The following KSR2 variants were observed in gnomAD, a reference collection of about 807,000 sequenced individuals.
The protein encoded by KSR2 is kinase suppressor of ras 2.
In KSR2, 25 loss-of-function variants were observed where a neutral mutation model predicts 107.8. That is an observed-to-expected ratio of 0.23 (90% CI 0.17 to 0.32). The LOEUF is 0.32. KSR2 is among the 10% of genes least tolerant of loss of function. The probability of loss-of-function intolerance (pLI) is 1.00; values close to 1 mark genes in which losing one functional copy is unlikely to be tolerated. For missense variants in KSR2, 887 were observed against 1,268.9 expected (o/e 0.70, Z 4.57); for synonymous variants, 480 against 507.0 (o/e 0.95, Z 0.71).
At chr12:117,845,677 T>G (rs1892674280) in intron 3 of KSR2, among the ~76,000 whole-genome samples, 1 of 150,028 alleles carries the variant, frequency 6.7e-6, no homozygotes, top group Non-Finnish European at 1.5e-5. Context: ...AGACTCTTTT[T>G]CTTTCTTTTT....
At chr12:117,660,919 G>A (rs1240835108) in intron 5 of KSR2, among the ~76,000 whole-genome samples, 1 of 152,198 alleles carries the variant, frequency 6.6e-6, no homozygotes, top group African/African-American at 2.4e-5. Flanking sequence ...CACCAGGAAG[G>A]CTGAGGGCTG....
chr12:117,684,915 G>A (rs1221668655), intron 4 of KSR2, among the ~76,000 whole-genome samples: 2 of 152,194 alleles, frequency 1.3e-5, no homozygotes, highest in African/African-American at 4.8e-5. Context: ...TTGATCGCAT[G>A]TGTTCCCATT....
At chr12:117,513,250 G>A (rs1343429054) in intron 14 of KSR2, among the ~76,000 whole-genome samples, 1 of 152,144 alleles carries the variant, frequency 6.6e-6, no homozygotes, top group Non-Finnish European at 1.5e-5. Context: ...ATTGATTGAG[G>A]AAAGCAGTAT....
At chr12:117,663,467 A>G (rs971233174) in intron 5 of KSR2, among the ~76,000 whole-genome samples, 8 of 152,224 alleles carry the variant, frequency 5.3e-5, no homozygotes, top group African/African-American at 1.7e-4. Context: ...TATTATTAAC[A>G]TGGTTTTCAT....
At chr12:117,612,936 T>G (rs1379178982) in intron 5 of KSR2, among the ~76,000 whole-genome samples, 1 of 152,230 alleles carries the variant, frequency 6.6e-6, no homozygotes, top group African/African-American at 2.4e-5. Flanking sequence ...TGTACCTTGC[T>G]TCCCCTTTTC....
At chr12:117,691,912 T>C (rs1885829834) in intron 4 of KSR2, among the ~76,000 whole-genome samples, 1 of 152,104 alleles carries the variant, frequency 6.6e-6, no homozygotes, top group African/African-American at 2.4e-5. Context: ...GATTCCCCAT[T>C]TTACAGATGA....
intron 1 of KSR2, among the ~76,000 whole-genome samples, chr12:117,927,769 A>G (rs1426882798): frequency 1.3e-5 from 2 of 152,196 alleles, no homozygotes; most frequent in East Asian, 3.8e-4. Context: ...AAAGTCATCA[A>G]TGTGTACTCG....
intron 1 of KSR2, among the ~76,000 whole-genome samples, chr12:117,884,840 C>T (rs956559527): frequency 6.6e-6 from 1 of 152,178 alleles, no homozygotes; most frequent in Admixed American, 6.5e-5. Flanking sequence ...ATCTCTGTTT[C>T]CTTCTTCTCT....
At chr12:117,499,732 G>A (rs750404488) in intron 14 of KSR2, among the ~76,000 whole-genome samples, 11 of 152,284 alleles carry the variant, frequency 7.2e-5, no homozygotes, top group Middle Eastern at 3.4e-3. Flanking sequence ...GGAAAGTTTG[G>A]TCCCTAATGA....
chr12:117,609,132 G>T lies in KSR2; in HGVS notation c.1172-26773C>A, dbSNP rs188517498. Among the ~76,000 whole-genome samples, 8 of 152,280 alleles carry T rather than the reference G, an allele frequency of 5.3e-5. No homozygotes were observed. In the East Asian group the frequency reaches 1.5e-3, roughly 29 times the overall value. ...CAATTTTGGAACCAGGTGGCCTATA[G>T]ATTTTATACCCTGGCTCCAGAATGG... On this transcript the variant is annotated intron_variant, in intron 5 of 19. Transcript: ENST00000339824.
rs149712031 is a variant in KSR2, at chr12:117,869,391, A to G, written c.181-8960T>C. ...CATCTCAAAAAAAAGAAAGAAACAAAGTTTGAGCATTTCAGATAAGGCCAG... is the reference window on the plus strand; with the variant it reads ...CATCTCAAAAAAAAGAAAGAAACAAGGTTTGAGCATTTCAGATAAGGCCAG... On this transcript the variant is annotated intron_variant, in intron 1 of 19. Coordinates refer to ENST00000339824, the MANE Select transcript of KSR2 (RefSeq NM_173598.6). Among the ~76,000 whole-genome samples the G allele has an allele frequency of 4.8e-3, 723 of 152,196 alleles. 4 individuals carry two copies. Among genetic ancestry groups the G allele is most frequent in the African/African-American group, 0.016 (683 of 41,542 alleles).
intron 10 of KSR2, 77 bp from the exon 11 acceptor site, chr12:117,531,784 G>T: frequency 9.6e-7 from 1 of 1,045,936 alleles, no homozygotes; most frequent in Non-Finnish European, 1.4e-6. Flanking sequence ...AGCTCTTACA[G>T]CCACCACATG....
At chr12:117,616,859 C>A (rs1227991690) in intron 5 of KSR2, among the ~76,000 whole-genome samples, 2 of 152,196 alleles carry the variant, frequency 1.3e-5, no homozygotes, top group East Asian at 3.9e-4. Flanking sequence ...AGCCAGGCTC[C>A]ATGATTCATC....
At chr12:117,737,759 G>A (rs1961094) in intron 4 of KSR2, among the ~76,000 whole-genome samples, 36,375 of 140,796 alleles carry the variant, frequency 0.26, 4,958 homozygotes, top group Middle Eastern at 0.31. Flanking sequence ...CTCCAGCCTG[G>A]GTGAGAGAGC....
At chr12:117,629,142 A>T (rs2078920962) in intron 5 of KSR2, among the ~76,000 whole-genome samples, 1 of 152,042 alleles carries the variant, frequency 6.6e-6, no homozygotes, top group Non-Finnish European at 1.5e-5. Context: ...AAATCCCCCA[A>T]CCCCATGCGC....
At chr12:117,471,356 G>A in intron 17 of KSR2, 36 bp from the exon 18 acceptor site, 1 of 1,601,384 alleles carries the variant, frequency 6.2e-7, no homozygotes, top group South Asian at 1.1e-5. Context: ...TGTTGGTGTG[G>A]TGTGTCACTT....
chr12:117,846,194 C>T (rs987621886), intron 3 of KSR2, among the ~76,000 whole-genome samples: 1 of 152,124 alleles, frequency 6.6e-6, no homozygotes, highest in African/African-American at 2.4e-5. Flanking sequence ...CTGGCTGAAC[C>T]CTGACTGACC....
chr12:117,502,642 C>T (rs573366091), intron 14 of KSR2, among the ~76,000 whole-genome samples: 3 of 151,988 alleles, frequency 2.0e-5, no homozygotes, highest in Non-Finnish European at 4.4e-5. Flanking sequence ...ACTGTGTATG[C>T]TTTAAGTGAC....
intron 3 of KSR2, among the ~76,000 whole-genome samples, chr12:117,851,868 G>A (rs1016389369): frequency 6.6e-6 from 1 of 151,658 alleles, no homozygotes; most frequent in Non-Finnish European, 1.5e-5. Flanking sequence ...TGCAGCCTGG[G>A]CGACAGAGAG....
Sources: gnomAD v4.1 joint callset for allele counts (sites outside exome capture counted in the v4.1 genomes callset) on GRCh38, gnomAD v4.1.1 for gene constraint, MANE v1.5 for transcripts, NCBI Gene and HGNC (gene_info 2026-07-23, HGNC 2026-07-21) for gene names.